The following EGF variants were observed in gnomAD, a reference collection of about 807,000 sequenced individuals.
The protein encoded by EGF is pro-epidermal growth factor.
EGF carries 95 observed loss-of-function variants against 143.8 expected under a neutral mutation model. The observed-to-expected ratio is 0.66, with a 90% confidence interval of 0.56 to 0.78. The LOEUF is 0.78. Ranked by LOEUF, EGF falls within the 30% of genes least tolerant of loss-of-function variation. The pLI is 0.00. For missense variants in EGF, 1,320 were observed against 1,470.9 expected (o/e 0.90, Z 1.68); for synonymous variants, 510 against 510.5 (o/e 1.00, Z 0.01).
Position 110,011,443 on chromosome 4 carries a change from G to A in EGF, c.3612G>A (p.Glu1204=). The A allele has an allele frequency of 2.5e-6, 4 of 1,614,196 alleles. No homozygotes were observed. In the African/African-American group the frequency reaches 5.3e-5, roughly 22 times the overall value. Residue 1204 remains glutamate (E), a synonymous_variant, in exon 24 of 24, where the codon GAG becomes GAA. Coordinates refer to ENST00000265171, the MANE Select transcript of EGF (RefSeq NM_001963.6). ...CCCTGGACCCACCACACCAAATGGA[G>A]CTGACTCAGTGAAAACTGGAATTAA... The part of the protein sequence containing the change: ...QRALDPPHQM[E]LTQ
At chr4:109,957,734 G>A (rs1195044308) in intron 5 of EGF, among the ~76,000 whole-genome samples, 1 of 152,182 alleles carries the variant, frequency 6.6e-6, no homozygotes, top group East Asian at 1.9e-4. Flanking sequence ...CAATGGTGGT[G>A]TTCTCAGCAG....
intron 21 of EGF, among the ~76,000 whole-genome samples, chr4:110,002,657 G>GT (rs374290960): frequency 1.1e-4 from 17 of 151,278 alleles, no homozygotes; most frequent in Admixed American, 2.6e-4. Flanking sequence ...TTTTTTGTGG[G>GT]TTTTTTTTTA....
intron 10 of EGF, chr4:109,968,706 A>ACC (rs1364972155): frequency 0.015 from 6,585 of 437,450 alleles, 314 homozygotes; most frequent in South Asian, 0.1. Flanking sequence ...CTATCTATCT[A>ACC]TCTACCTACC....
chr4:109,950,776 A>G (rs1444450460), intron 5 of EGF, among the ~76,000 whole-genome samples: 1 of 152,160 alleles, frequency 6.6e-6, no homozygotes, highest in Non-Finnish European at 1.5e-5. Flanking sequence ...TCCTCTGAGA[A>G]ACAGCTCCAA....
chr4:109,919,630 G>T lies in EGF; in HGVS notation c.127+6168G>T, dbSNP rs189611941. On this transcript the variant is annotated intron_variant, in intron 1 of 23. Coordinates refer to ENST00000265171, the MANE Select transcript of EGF (RefSeq NM_001963.6). ...ACATTGATCTCACTTGTGCTCAGGT[G>T]AAATGGTACATGAGTGACAGGTAGG... is the stretch of plus-strand genomic sequence containing the variant. 1.6e-3 allele frequency among the ~76,000 whole-genome samples: 243 copies of T among 147,642 alleles called. 16 individuals carry two copies. The highest frequency in any genetic ancestry group is 6.2e-3 in the African/African-American group (231 of 37,228).
chr4:109,932,461 C>G (rs1739947778), intron 1 of EGF, among the ~76,000 whole-genome samples: 1 of 147,544 alleles, frequency 6.8e-6, no homozygotes, highest in Non-Finnish European at 1.5e-5. Context: ...TCACTGCAAG[C>G]TCCACCACCC....
chr4:109,980,709 A>G, intron 14 of EGF, 117 bp from the exon 15 acceptor site: 3 of 1,124,286 alleles, frequency 2.7e-6, no homozygotes, highest in Non-Finnish European at 4.0e-6. Flanking sequence ...CTATTTAGAT[A>G]CACTGCATTT....
intron 5 of EGF, among the ~76,000 whole-genome samples, chr4:109,951,470 G>GT (rs149136756): frequency 2.6e-5 from 4 of 152,004 alleles, no homozygotes; most frequent in Non-Finnish European, 4.4e-5. Flanking sequence ...GAGTACATAG[G>GT]TTTTTTTGTT....
chr4:109,934,041 A>C (rs1273039651), intron 1 of EGF, among the ~76,000 whole-genome samples: 1 of 152,210 alleles, frequency 6.6e-6, no homozygotes, highest in Non-Finnish European at 1.5e-5. Flanking sequence ...TCCCACCAAC[A>C]GTGTAAAAGT....
In EGF at chr4:109,976,059, C is replaced by T. The variant is rs546483670; in HGVS notation, c.1877C>T (p.Ser626Phe). Residue 626 changes from serine to phenylalanine, a missense_variant, in exon 13 of 24, where the codon TCT (serine) becomes TTT (phenylalanine). By Grantham distance (155) the Ser-to-Phe change is radical. Around this residue, in one of 5 missense-constraint regions of EGF, gnomAD observed 1,186 missense variants for 1,313.7 expected, o/e 0.90. Transcript: ENST00000265171. ...DTGINPRIES[S>F]SLQGLGRLVI... is the part of the protein sequence containing the mutation. ...GGGATTAATCCACGAATTGAAAGTT[C>T]TTCCCTCCAAGGCCTTGGCCGTCTG... The T allele has an allele frequency of 5.5e-5, 88 of 1,613,992 alleles. No individual in the cohort carries two copies. In the South Asian group the frequency reaches 9.6e-4, roughly 18 times the overall value.
intron 13 of EGF, among the ~76,000 whole-genome samples, chr4:109,979,117 G>A (rs1443687331): frequency 2.0e-5 from 3 of 152,212 alleles, no homozygotes; most frequent in African/African-American, 7.2e-5. Context: ...AGAGAGGTAG[G>A]TTTGGTGAAG....
intron 11 of EGF, among the ~76,000 whole-genome samples, chr4:109,971,074 A>T (rs1020316143): frequency 6.6e-6 from 1 of 152,106 alleles, no homozygotes; most frequent in Non-Finnish European, 1.5e-5. Context: ...TGTTATCTCC[A>T]ATTTAAAGAT....
chr4:109,945,043 G>T (rs776871101), intron 4 of EGF, 30 bp from the exon 5 acceptor site: 8 of 1,608,328 alleles, frequency 5.0e-6, no homozygotes, highest in African/African-American at 2.7e-5. Context: ...ATGTTCTGTT[G>T]TTCTTTTTTC....
At chr4:109,998,185 C>G (rs541016236) in intron 20 of EGF, among the ~76,000 whole-genome samples, 1 of 152,290 alleles carries the variant, frequency 6.6e-6, no homozygotes, top group Admixed American at 6.5e-5. Context: ...AGGTGTGGCC[C>G]ATTAACATCC....
At position 109,960,886 on chromosome 4, in the gene EGF, T is replaced by C. The variant is rs1240857491; in HGVS notation, c.1086T>C (p.Phe362=). Residue 362 remains phenylalanine (F), a synonymous_variant, in exon 7 of 24, where the codon TTT becomes TTC. Coordinates refer to ENST00000265171, the MANE Select transcript of EGF (RefSeq NM_001963.6). Reference sequence around the variant, plus strand: ...GTGCAGATGTTAATGAATGTGCTTTTTGGAATCATGGCTGTACTCTTGGGT... The same window carrying C: ...GTGCAGATGTTAATGAATGTGCTTTCTGGAATCATGGCTGTACTCTTGGGT... ...KYCEDVNECA[F]WNHGCTLGCK... is the part of the protein sequence containing the mutation. 3.7e-6 allele frequency: 6 copies of C among 1,613,984 alleles called. No homozygotes were observed. The highest frequency in any genetic ancestry group is 5.1e-6 in the Non-Finnish European group (6 of 1,179,900).
At chr4:109,943,698 T>C (rs1742325888) in intron 3 of EGF, 144 bp from the exon 4 acceptor site, 4 of 788,632 alleles carry the variant, frequency 5.1e-6, no homozygotes, top group African/African-American at 1.7e-5. Flanking sequence ...ATGTCTACAA[T>C]AGGGCAGTGT....
intron 20 of EGF, among the ~76,000 whole-genome samples, 196 bp from the exon 21 acceptor site, chr4:109,999,483 C>T (rs761419796): frequency 2.6e-5 from 4 of 152,238 alleles, no homozygotes; most frequent in Non-Finnish European, 2.9e-5. Context: ...AGCAAACAGA[C>T]GAAAGGGAGA....
Position 109,945,180 on chromosome 4 carries a change from G to A in EGF, c.845G>A (p.Arg282Lys). Residue 282 changes from arginine to lysine, a missense_variant, in exon 5 of 24, where the codon AGA becomes AAA. Physicochemically the swap from Arg to Lys is conservative, Grantham distance 26 (BLOSUM62 2). Coordinates refer to ENST00000265171, the MANE Select transcript of EGF (RefSeq NM_001963.6). The stretch of plus-strand genomic sequence containing the variant: ...AAACACACTGGAAAGGACATGGTTA[G>A]AATTAACCTCCATTCATCATTTGTA... ...ANKHTGKDMVRINLHSSFVPL... is the reference protein window; with the variant it reads ...ANKHTGKDMVKINLHSSFVPL... The A allele has an allele frequency of 6.2e-7, 1 of 1,614,110 alleles. No individual in the cohort carries two copies. Among genetic ancestry groups the A allele is most frequent in the Non-Finnish European group, 8.5e-7 (1 of 1,180,010 alleles).
chr4:109,994,331 C>T (rs1263890649), intron 19 of EGF, among the ~76,000 whole-genome samples: 1 of 152,100 alleles, frequency 6.6e-6, no homozygotes, highest in Non-Finnish European at 1.5e-5. Context: ...ACGGACTGCA[C>T]ATTGATGGGT....
Sources: gnomAD v4.1 joint callset for allele counts (sites outside exome capture counted in the v4.1 genomes callset) on GRCh38, gnomAD v4.1.1 for gene constraint, gnomAD v4.1.1 regional missense constraint, MANE v1.5 for transcripts, NCBI Gene and HGNC (gene_info 2026-07-23, HGNC 2026-07-21) for gene names.